Variants in CDH13 observed in about 807,000 individuals in gnomAD.
CDH13 encodes cadherin 13.
CDH13 carries 24 observed loss-of-function variants against 63.8 expected under a neutral mutation model. The observed-to-expected ratio is 0.38, with a 90% CI of 0.27 to 0.53. The LOEUF is 0.53. Among genes scored for constraint, CDH13 ranks in the 20% least tolerant of loss-of-function variants. The pLI is 0.85. For synonymous variants in CDH13, 503 were observed against 355.3 expected (o/e 1.42, Z -4.67); for missense variants, 1,049 against 903.1 (o/e 1.16, Z -2.07).
chr16:82,845,931 A>C (rs2039237906), intron 1 of CDH13, among the ~76,000 whole-genome samples: 1 of 152,232 alleles, frequency 6.6e-6, no homozygotes, highest in African/African-American at 2.4e-5. Flanking sequence ...CCAGTGGCTT[A>C]ATCCTGGAAT....
intron 1 of CDH13, among the ~76,000 whole-genome samples, chr16:82,847,524 C>T (rs2151145257): frequency 6.6e-6 from 1 of 152,302 alleles, no homozygotes; most frequent in Admixed American, 6.5e-5. Context: ...TTCTCTTATC[C>T]TTTCTTCCAT....
intron 4 of CDH13, among the ~76,000 whole-genome samples, chr16:83,132,874 T>G (rs1453229399): frequency 6.6e-6 from 1 of 152,216 alleles, no homozygotes; most frequent in African/African-American, 2.4e-5. Context: ...CATCACAGTT[T>G]ATTTCTACAT....
intron 2 of CDH13, among the ~76,000 whole-genome samples, chr16:82,906,280 C>T (rs1049036587): frequency 1.3e-5 from 2 of 152,162 alleles, no homozygotes; most frequent in African/African-American, 4.8e-5. Context: ...AAGCTTATAG[C>T]TTAGCAGACC....
chr16:83,460,699 A>G (rs1387874435), intron 6 of CDH13, among the ~76,000 whole-genome samples: 1 of 152,236 alleles, frequency 6.6e-6, no homozygotes, highest in Non-Finnish European at 1.5e-5. Context: ...TAATAGATTT[A>G]AAATTGCAGA....
At chr16:83,394,458 C>T (rs778396518) in intron 6 of CDH13, among the ~76,000 whole-genome samples, 14 of 152,080 alleles carry the variant, frequency 9.2e-5, no homozygotes, top group Non-Finnish European at 1.8e-4. Flanking sequence ...GAGGCAGGCA[C>T]ACGTGTGGTG....
chr16:83,225,562 T>A (rs750145), intron 5 of CDH13, among the ~76,000 whole-genome samples: 2 of 152,060 alleles, frequency 1.3e-5, no homozygotes, highest in Non-Finnish European at 2.9e-5. Flanking sequence ...ATGTAATTCC[T>A]GATAGGGGAA....
At chr16:83,143,153 C>T (rs59840711) in intron 4 of CDH13, among the ~76,000 whole-genome samples, 265 of 152,190 alleles carry the variant, frequency 1.7e-3, no homozygotes, top group African/African-American at 5.4e-3. Context: ...ACATCTCTAC[C>T]CCTATCTTAC....
At chr16:83,545,294 G>A (rs570236028) in intron 7 of CDH13, among the ~76,000 whole-genome samples, 8 of 152,268 alleles carry the variant, frequency 5.3e-5, no homozygotes, top group South Asian at 4.2e-4. Context: ...AAAGATTGCC[G>A]ATGTTAATGA....
At chr16:83,012,318 C>CTT (rs33972456) in intron 2 of CDH13, among the ~76,000 whole-genome samples, 13 of 121,082 alleles carry the variant, frequency 1.1e-4, no homozygotes, top group South Asian at 2.7e-4. Flanking sequence ...GGTTTCTTTC[C>CTT]TTTTTTTTTT....
chr16:83,470,129 C>A (rs377126123), intron 6 of CDH13, among the ~76,000 whole-genome samples: 1 of 152,178 alleles, frequency 6.6e-6, no homozygotes, highest in African/African-American at 2.4e-5. Flanking sequence ...ACACATACAC[C>A]TGTGTGCACA....
intron 12 of CDH13, among the ~76,000 whole-genome samples, chr16:83,782,920 G>C (rs1915627650): frequency 6.6e-6 from 1 of 152,012 alleles, no homozygotes; most frequent in Non-Finnish European, 1.5e-5. Context: ...GGAGTTCTTG[G>C]TAATCAATCA....
At chr16:83,617,203 G>C (rs1397374775) in intron 8 of CDH13, among the ~76,000 whole-genome samples, 2 of 152,172 alleles carry the variant, frequency 1.3e-5, no homozygotes, top group Non-Finnish European at 2.9e-5. Context: ...GCAACATCAA[G>C]TGTTTAATTA....
At chr16:82,675,671 C>T (rs921942446) in intron 1 of CDH13, among the ~76,000 whole-genome samples, 1 of 152,192 alleles carries the variant, frequency 6.6e-6, no homozygotes, top group Non-Finnish European at 1.5e-5. Context: ...CACGTTCCTG[C>T]TTTTGGCAAG....
At chr16:83,309,771 G>T (rs2089960580) in intron 5 of CDH13, among the ~76,000 whole-genome samples, 1 of 152,030 alleles carries the variant, frequency 6.6e-6, no homozygotes, top group African/African-American at 2.4e-5. Flanking sequence ...TCAGCCTTCT[G>T]GAAAAGAGGA....
intron 3 of CDH13, among the ~76,000 whole-genome samples, chr16:83,060,329 G>A (rs7191342): frequency 0.51 from 78,235 of 152,042 alleles, 20,576 homozygotes; most frequent in East Asian, 0.75. Context: ...TGATAAATGC[G>A]TAGGTCTCCA....
intron 3 of CDH13, among the ~76,000 whole-genome samples, chr16:83,049,733 C>T (rs541780234): frequency 5.3e-5 from 8 of 152,250 alleles, no homozygotes; most frequent in African/African-American, 1.9e-4. Flanking sequence ...GGATGGACCA[C>T]AAATTGTTTA....
intron 1 of CDH13, among the ~76,000 whole-genome samples, chr16:82,779,187 A>T (rs1005163334): frequency 1.3e-5 from 2 of 152,174 alleles, no homozygotes; most frequent in East Asian, 1.9e-4. Context: ...GTGCTTGACA[A>T]ATTTACTCCT....
intron 2 of CDH13, among the ~76,000 whole-genome samples, chr16:82,994,177 C>T (rs552210433): frequency 2.6e-5 from 4 of 152,232 alleles, no homozygotes; most frequent in Admixed American, 2.0e-4. Flanking sequence ...TGCATGAAGA[C>T]GACAGCAGCT....
chr16:83,385,403 A>T (rs2091653295), intron 6 of CDH13, among the ~76,000 whole-genome samples: 2 of 152,320 alleles, frequency 1.3e-5, no homozygotes, highest in East Asian at 3.9e-4. Context: ...TCTTTGCAAG[A>T]TTGCTATAGG....
Sources: gnomAD v4.1 joint callset for allele counts (sites outside exome capture counted in the v4.1 genomes callset) on GRCh38, gnomAD v4.1.1 for gene constraint, MANE v1.5 for transcripts, NCBI Gene and HGNC (gene_info 2026-07-23, HGNC 2026-07-21) for gene names.